CARD6: variants seen among roughly 807,000 people sequenced by gnomAD.
CARD6 encodes caspase recruitment domain-containing protein 6.
A neutral mutation model predicts 23.6 loss-of-function variants in CARD6; 27 were observed. That is an observed-to-expected ratio of 1.14 (90% confidence interval 0.84 to 1.58). CARD6 has a LOEUF of 1.58. Ranked by LOEUF, CARD6 falls within the 40% of genes most tolerant of loss-of-function variation. CARD6 has a pLI of 0.00. For missense variants in CARD6, 1,214 were observed against 1,209.9 expected (o/e 1.00, Z -0.05); for synonymous variants, 397 against 431.8 (o/e 0.92, Z 1.00).
chr5:40,854,770 A>C lies in CARD6; in HGVS notation c.*324A>C, dbSNP rs1746161324. On this transcript the variant is annotated 3_prime_UTR_variant, in exon 3 of 3. Coordinates refer to ENST00000254691, the MANE Select transcript of CARD6 (RefSeq NM_032587.4). ...CACACCCAGCTAATTTTGTATTTTT[A>C]GTAGAGGCAGGGTTTCTCCATGTTG... 1.6e-5 allele frequency: 4 copies of C among 247,176 alleles called. No individual in the cohort carries two copies. The South Asian group carries it at 2.5e-4, about 15-fold the overall frequency. 15.3% of individuals were successfully genotyped at this position (247,176 alleles called of 1,614,324 possible).
chr5:40,843,592 G>T lies in CARD6; in HGVS notation c.724G>T (p.Asp242Tyr). ...VYDDPEHVGY[D>Y]GEEDFENSET... Reference sequence around the variant, plus strand: ...TGATGACCCAGAGCACGTTGGATATGATGGTGAAGAGGACTTCGAGAATTC... The same window carrying T: ...TGATGACCCAGAGCACGTTGGATATTATGGTGAAGAGGACTTCGAGAATTC... The change falls in exon 2 of 3, where the codon GAT becomes TAT. Residue 242 changes from aspartate to tyrosine, a missense_variant. Asp to Tyr is a radical substitution (Grantham distance 160, BLOSUM62 -3). Transcript: ENST00000254691. 1 of 1,609,826 alleles carries T rather than the reference G, an allele frequency of 6.2e-7. No individual in the cohort carries two copies.
chr5:40,850,556 CA>C (rs547913749), intron 2 of CARD6, among the ~76,000 whole-genome samples: 30,530 of 120,872 alleles, frequency 0.25, 3,366 homozygotes, highest in East Asian at 0.31. Flanking sequence ...TACTAAAATA[CA>C]AAAAAAAAAA....
In CARD6 at chr5:40,843,570, T is replaced by C. The variant is rs1349339911; in HGVS notation, c.702T>C (p.Asp234=). The change falls in exon 2 of 3, where the codon GAT becomes GAC. Residue 234 remains aspartate, a synonymous_variant. Transcript: ENST00000254691. ...CCACTGTGGAAGAGGAGGTTTATGA[T>C]GACCCAGAGCACGTTGGATATGATG... ...AEATVEEEVY[D]DPEHVGYDGE... 1 of 1,610,546 alleles carries C rather than the reference T, an allele frequency of 6.2e-7. No individual in the cohort carries two copies. The highest frequency in any genetic ancestry group is 8.5e-7 in the Non-Finnish European group (1 of 1,179,176).
Position 40,852,269 on chromosome 5 carries a change from C to T in CARD6, c.937C>T (p.Arg313Ter), listed in dbSNP as rs150754394. The change falls in exon 3 of 3, where the codon CGA (arginine) becomes TGA (stop). Residue 313 changes from arginine to a stop codon, truncating the protein, a stop_gained. Coordinates refer to ENST00000254691, the MANE Select transcript of CARD6 (RefSeq NM_032587.4). LOFTEE classifies it low-confidence loss of function (END_TRUNC). ...TTTTGTTAAACAATTCTCCTTAGAT[C>T]GAGGATGTAAGTGGACCCCTGAGAG... ...PDFVKQFSLD[R>*]GCKWTPESPG... The T allele has an allele frequency of 1.5e-5, 24 of 1,613,926 alleles. No homozygotes were observed. The highest frequency in any genetic ancestry group is 2.2e-5 in the East Asian group (1 of 44,894).
chr5:40,851,908 T>C (rs1274719438), intron 2 of CARD6, among the ~76,000 whole-genome samples: 1 of 151,854 alleles, frequency 6.6e-6, no homozygotes, highest in Non-Finnish European at 1.5e-5. Context: ...TTTGGGAGTT[T>C]CGCTTGAGAT....
rs1391119664 is a variant in CARD6, at chr5:40,855,275, A to C, written c.*829A>C. On this transcript the variant is annotated 3_prime_UTR_variant, in exon 3 of 3. Transcript: ENST00000254691. ...TCTGCTAATAGCCCCAATTTGCTTG[A>C]ATGGGAAAACTCTCTCATTTGACCC... 2 of 152,514 alleles carry C rather than the reference A, an allele frequency of 1.3e-5. No individual in the cohort carries two copies. Among genetic ancestry groups the C allele is most frequent in the African/African-American group, 4.8e-5 (2 of 41,592 alleles). 9.4% of individuals were successfully genotyped at this position (152,514 alleles called of 1,614,324 possible). A position where few individuals can be genotyped will look rare whatever the true frequency, so the allele number is the denominator to read the frequency against.
Position 40,851,666 on chromosome 5 carries a change from A to G in CARD6, c.842-508A>G, listed in dbSNP as rs180870111. Among the ~76,000 whole-genome samples, 67 of 151,988 alleles carry G rather than the reference A, an allele frequency of 4.4e-4. 1 individual carries two copies. Among genetic ancestry groups the G allele is most frequent in the African/African-American group, 1.6e-3 (66 of 41,454 alleles). On this transcript the variant is annotated intron_variant, in intron 2 of 2. Coordinates refer to ENST00000254691, the MANE Select transcript of CARD6 (RefSeq NM_032587.4). ...TCCCATCTCTACTAAAAATACAAAA[A>G]TTAGCCGGGCATGGTGGCATACACC...
chr5:40,842,775 C>T (rs1253926757), intron 1 of CARD6, among the ~76,000 whole-genome samples: 1 of 152,158 alleles, frequency 6.6e-6, no homozygotes, highest in African/African-American at 2.4e-5. Context: ...CTGTGGCTCA[C>T]ACCTGTAATC....
In CARD6 at chr5:40,853,727, T is replaced by C. The variant is rs772214021; in HGVS notation, c.2395T>C (p.Phe799Leu). ...CCAGATATTTTATTCAGGTGAAAGA[T>C]TCATGAAATTTTCCAGAGTTGCTCG... is the stretch of plus-strand genomic sequence containing the variant. ...HPQIFYSGER[F>L]MKFSRVARGC... The change falls in exon 3 of 3, where the codon TTC (phenylalanine) becomes CTC (leucine). Residue 799 changes from phenylalanine to leucine, a missense_variant. Phe to Leu is a conservative substitution (Grantham distance 22, BLOSUM62 0). Coordinates refer to ENST00000254691, the MANE Select transcript of CARD6 (RefSeq NM_032587.4). The C allele has an allele frequency of 6.8e-6, 11 of 1,614,056 alleles. No homozygotes were observed. In the African/African-American group the frequency reaches 1.3e-4, roughly 20 times the overall value.
intron 2 of CARD6, among the ~76,000 whole-genome samples, chr5:40,844,450 C>T (rs1045938486): frequency 1.3e-5 from 2 of 152,056 alleles, no homozygotes; most frequent in South Asian, 2.1e-4. Flanking sequence ...AGGCTGGTCT[C>T]GAACTCCTGG....
Position 40,853,334 on chromosome 5 carries a change from C to A in CARD6, c.2002C>A (p.Gln668Lys). The part of the protein sequence containing the change: ...DEDFENTQRI[Q>K]VSSGENMAGT... ...AGACTTTGAAAACACTCAGAGAATT[C>A]AAGTTTCCTCTGGAGAAAACATGGC... is the stretch of plus-strand genomic sequence containing the variant. Residue 668 changes from glutamine (Q) to lysine (K), a missense_variant, in exon 3 of 3, where the codon CAA (glutamine) becomes AAA (lysine). By Grantham distance (53) the Gln-to-Lys change is moderately conservative. Coordinates refer to ENST00000254691, the MANE Select transcript of CARD6 (RefSeq NM_032587.4). 6.2e-7 allele frequency: 1 copy of A among 1,614,140 alleles called. No homozygotes were observed. The highest frequency in any genetic ancestry group is 8.5e-7 in the Non-Finnish European group (1 of 1,180,002).
At position 40,842,079 on chromosome 5, in the gene CARD6, T is replaced by C. The variant is rs572822162; in HGVS notation, c.283+414T>C. ...TATCTTTCACTTAGTATAGCCGTTT[T>C]GAAAATACAAGGAAAATAATTTTTA... On this transcript the variant is annotated intron_variant, in intron 1 of 2. Transcript: ENST00000254691. Among the ~76,000 whole-genome samples the C allele has an allele frequency of 2.0e-5, 3 of 152,372 alleles. No homozygotes were observed. In the South Asian group the frequency reaches 6.2e-4, roughly 32 times the overall value.
chr5:40,841,688 T>C (rs1745865036), intron 1 of CARD6, 23 bp downstream of exon 1: 3 of 1,578,724 alleles, frequency 1.9e-6, no homozygotes, highest in Admixed American at 3.7e-5. Context: ...TGTATACTTT[T>C]TGGGGTGAGA....
At chr5:40,841,965 A>T (rs538706205) in intron 1 of CARD6, among the ~76,000 whole-genome samples, 1 of 152,354 alleles carries the variant, frequency 6.6e-6, no homozygotes, top group East Asian at 1.9e-4. Context: ...CACAGTTGGA[A>T]GGAAAATACT....
chr5:40,844,003 C>T lies in CARD6; in HGVS notation c.841+294C>T, dbSNP rs1389620930. On this transcript the variant is annotated intron_variant, in intron 2 of 2. Coordinates refer to ENST00000254691, the MANE Select transcript of CARD6 (RefSeq NM_032587.4). ...TGCCAATCATTAATTTCCCATTATACGTACGAGGAGTTGCTAATCATTAAT... is the reference window on the plus strand; with the variant it reads ...TGCCAATCATTAATTTCCCATTATATGTACGAGGAGTTGCTAATCATTAAT... Among the ~76,000 whole-genome samples, 10 of 152,144 alleles carry T rather than the reference C, an allele frequency of 6.6e-5. No homozygotes were observed. The South Asian group carries it at 8.3e-4, about 13-fold the overall frequency.
chr5:40,852,736 C>A lies in CARD6; in HGVS notation c.1404C>A (p.Ser468=). The A allele has an allele frequency of 6.2e-7, 1 of 1,613,648 alleles. No homozygotes were observed. The highest frequency in any genetic ancestry group is 8.5e-7 in the Non-Finnish European group (1 of 1,179,798). Residue 468 remains serine (S), a synonymous_variant, in exon 3 of 3, where the codon TCC becomes TCA. Transcript: ENST00000254691. ...VRLGYCSFSK[S]RILNTLLSPA... Reference sequence around the variant, plus strand: ...TAGGATACTGTAGCTTCTCTAAGTCCAGAATCCTCAACACACTTCTCAGCC... The same window carrying A: ...TAGGATACTGTAGCTTCTCTAAGTCAAGAATCCTCAACACACTTCTCAGCC...
rs540007697 is a variant in CARD6 at position 40,854,193 on chromosome 5, A to G, written c.2861A>G (p.His954Arg). 1 of 1,613,934 alleles carries G rather than the reference A, an allele frequency of 6.2e-7. No homozygotes were observed. Among genetic ancestry groups the G allele is most frequent in the African/African-American group, 1.3e-5 (1 of 74,954 alleles). ...CAGTCCAACCCATCCACAGTCAAAC[A>G]CTCCCAGCCTAAACCCTTCCATTCT... ...SDQSNPSTVKHSQPKPFHSVP... is the reference protein window; with the variant it reads ...SDQSNPSTVKRSQPKPFHSVP... Residue 954 changes from histidine to arginine, a missense_variant, in exon 3 of 3, where the codon CAC (histidine) becomes CGC (arginine). His to Arg is a conservative substitution (Grantham distance 29, BLOSUM62 0). Transcript: ENST00000254691.
In CARD6 at chr5:40,853,095, G is replaced by A. The variant is rs772602139; in HGVS notation, c.1763G>A (p.Arg588Lys). 2.5e-6 allele frequency: 4 copies of A among 1,614,200 alleles called. No homozygotes were observed. In the East Asian group the frequency reaches 6.7e-5, roughly 27 times the overall value. Residue 588 changes from arginine (R) to lysine (K), a missense_variant, in exon 3 of 3, where the codon AGG (arginine) becomes AAG (lysine). Physicochemically the swap from Arg to Lys is conservative, Grantham distance 26 (BLOSUM62 2). Coordinates refer to ENST00000254691, the MANE Select transcript of CARD6 (RefSeq NM_032587.4). ...RCYFVLSSQA[R>K]ESEEAQIFQR... ...TACTTTGTTCTCAGTTCCCAAGCCA[G>A]GGAGAGTGAAGAGGCTCAAATTTTT...
Position 40,843,607 on chromosome 5 carries a change from T to C in CARD6, c.739T>C (p.Phe247Leu), listed in dbSNP as rs1478237330. Residue 247 changes from phenylalanine to leucine, a missense_variant, in exon 2 of 3, where the codon TTC becomes CTC. Physicochemically the swap from Phe to Leu is conservative, Grantham distance 22 (BLOSUM62 0). Coordinates refer to ENST00000254691, the MANE Select transcript of CARD6 (RefSeq NM_032587.4). ...CGTTGGATATGATGGTGAAGAGGAC[T>C]TCGAGAATTCAGAAACCACAGAGTT... Reference protein sequence around the residue: ...EHVGYDGEEDFENSETTEFSG... With the variant: ...EHVGYDGEEDLENSETTEFSG... The C allele has an allele frequency of 6.2e-7, 1 of 1,605,528 alleles. No individual in the cohort carries two copies. Among genetic ancestry groups the C allele is most frequent in the Admixed American group, 1.7e-5 (1 of 57,352 alleles).
Sources: gnomAD v4.1 joint callset for allele counts (sites outside exome capture counted in the v4.1 genomes callset) on GRCh38, gnomAD v4.1.1 for gene constraint, MANE v1.5 for transcripts, NCBI Gene and HGNC (gene_info 2026-07-23, HGNC 2026-07-21) for gene names.